UBLCP1: variants seen among roughly 807,000 people sequenced by gnomAD.
UBLCP1 encodes the protein ubiquitin like domain containing CTD phosphatase 1.
In UBLCP1, 28 loss-of-function variants were observed where a neutral mutation model predicts 42.4. The observed-to-expected ratio is 0.66, with a 90% CI of 0.49 to 0.90. UBLCP1 has a LOEUF of 0.90. Among genes scored for constraint, UBLCP1 ranks in the 40% least tolerant of loss-of-function variants. The pLI is 0.00. For synonymous variants in UBLCP1, 122 were observed against 120.8 expected, an observed-to-expected ratio of 1.01 and a Z score of -0.07; for missense variants, 279 against 374.5, an observed-to-expected ratio of 0.75 and a Z score of 2.10.
chr5:159,275,978 G>T (rs1403954955), intron 8 of UBLCP1, among the ~76,000 whole-genome samples: 1 of 152,150 alleles, frequency 6.6e-6, no homozygotes, highest in Non-Finnish European at 1.5e-5. Context: ...ATAGCAACAA[G>T]AACAATCAGA....
intron 8 of UBLCP1, 89 bp from the exon 9 acceptor site, chr5:159,278,149 G>A (rs1584740946): frequency 5.9e-6 from 5 of 854,110 alleles, no homozygotes; most frequent in Non-Finnish European, 9.7e-6. Context: ...CTTTGGCATT[G>A]TTCTGCAGGG....
intron 1 of UBLCP1, among the ~76,000 whole-genome samples, chr5:159,263,872 C>G (rs1258152840): frequency 6.6e-6 from 1 of 152,118 alleles, no homozygotes; most frequent in Non-Finnish European, 1.5e-5. Context: ...TACTGCTATA[C>G]TTTAAAATTT....
intron 10 of UBLCP1, among the ~76,000 whole-genome samples, chr5:159,284,444 T>C (rs1187240123): frequency 6.6e-6 from 1 of 152,226 alleles, no homozygotes; most frequent in Non-Finnish European, 1.5e-5. Context: ...CAAAGACCTT[T>C]AGCATCTTTT....
In UBLCP1 at chr5:159,268,888, G is replaced by T; in HGVS notation, c.-28G>T. 2 of 1,590,782 alleles carry T rather than the reference G, an allele frequency of 1.3e-6. No homozygotes were observed. Among genetic ancestry groups the T allele is most frequent in the Non-Finnish European group, 1.7e-6 (2 of 1,173,114 alleles). ...TTTCCAGGTATTTTTTTTTCTGAAG[G>T]AAAGCTGCTTCCTCATATGTTTCAA... is the stretch of plus-strand genomic sequence containing the variant. On this transcript the variant is annotated 5_prime_UTR_variant, in exon 2 of 11. Transcript: ENST00000296786.
chr5:159,276,794 C>G (rs1340692551), intron 8 of UBLCP1, among the ~76,000 whole-genome samples: 2 of 152,160 alleles, frequency 1.3e-5, no homozygotes, highest in African/African-American at 4.8e-5. Context: ...TAACAAAGAA[C>G]CTGTCAACTC....
rs143812378 is a variant in UBLCP1 at position 159,282,570 on chromosome 5, A to G, written c.802-642A>G. ...TATTATTCTGACATGTGTGGTTTGA[A>G]ATAATGCTTTTTAAACTCTTTTTCA... On this transcript the variant is annotated intron_variant, in intron 9 of 10. Transcript: ENST00000296786. Among the ~76,000 whole-genome samples the G allele has an allele frequency of 2.0e-3, 304 of 152,246 alleles. 1 individual carries two copies. The highest frequency in any genetic ancestry group is 7.2e-3 in the African/African-American group (300 of 41,574).
chr5:159,278,222 A>G lies in UBLCP1; in HGVS notation c.685-16A>G. 1.3e-6 allele frequency: 2 copies of G among 1,557,862 alleles called. No homozygotes were observed. The highest frequency in any genetic ancestry group is 2.2e-5 in the South Asian group (2 of 89,526). Reference sequence around the variant, plus strand: ...TATTGATAAAATTTGAGTTAAATGTAAACTTTTATTCTAAGGTAAAGCCTC... The same window carrying G: ...TATTGATAAAATTTGAGTTAAATGTGAACTTTTATTCTAAGGTAAAGCCTC... On this transcript the variant is annotated splice_polypyrimidine_tract_variant and intron_variant, in intron 8 of 10. Coordinates refer to ENST00000296786, the MANE Select transcript of UBLCP1 (RefSeq NM_145049.5).
intron 7 of UBLCP1, among the ~76,000 whole-genome samples, chr5:159,274,839 C>T (rs1753513726): frequency 6.6e-6 from 1 of 152,046 alleles, no homozygotes; most frequent in African/African-American, 2.4e-5. Flanking sequence ...TAAGCTTGTC[C>T]CCTCCCCCAC....
intron 2 of UBLCP1, among the ~76,000 whole-genome samples, chr5:159,269,359 C>A (rs1753436644): frequency 6.6e-6 from 1 of 152,176 alleles, no homozygotes; most frequent in African/African-American, 2.4e-5. Flanking sequence ...GGATGAAACT[C>A]ATTTATTTTC....
intron 9 of UBLCP1, among the ~76,000 whole-genome samples, chr5:159,278,596 G>T (rs947178576): frequency 6.6e-6 from 1 of 151,944 alleles, no homozygotes; most frequent in East Asian, 1.9e-4. Context: ...TTTTTGAGAC[G>T]GGATCTCACT....
In UBLCP1 at chr5:159,285,006, T is replaced by C. The variant is rs1753654583; in HGVS notation, c.*75T>C. 1.4e-6 allele frequency: 2 copies of C among 1,414,390 alleles called. No individual in the cohort carries two copies. Among genetic ancestry groups the C allele is most frequent in the Admixed American group, 1.7e-5 (1 of 59,150 alleles). The allele number at this position is 1,414,390 out of a possible 1,614,324, so 87.6% of individuals were successfully genotyped here. A position where few individuals can be genotyped will look rare whatever the true frequency, so the allele number is the denominator to read the frequency against. On this transcript the variant is annotated 3_prime_UTR_variant, in exon 11 of 11. Coordinates refer to ENST00000296786, the MANE Select transcript of UBLCP1 (RefSeq NM_145049.5). ...CTTGCTTTTATGCTAGAAATCATTA[T>C]GATAGTGCTGGACACTGAAGCAAAT...
chr5:159,285,770 C>G lies in UBLCP1; in HGVS notation c.*839C>G, dbSNP rs1209936446. 2.6e-5 allele frequency: 4 copies of G among 152,644 alleles called. No homozygotes were observed. Among genetic ancestry groups the G allele is most frequent in the Non-Finnish European group, 5.9e-5 (4 of 67,996 alleles). The allele number at this position is 152,644 out of a possible 1,614,324, so 9.5% of individuals were successfully genotyped here. On this transcript the variant is annotated 3_prime_UTR_variant, in exon 11 of 11. Transcript: ENST00000296786. ...CTGATTCATTCCTAAAAAGCATGAA[C>G]AAAAAGTTTTTGTTCTGTTCCAGCT... is the stretch of plus-strand genomic sequence containing the variant.
chr5:159,274,910 TAAAG>T (rs752064632), intron 7 of UBLCP1, among the ~76,000 whole-genome samples: 18 of 152,208 alleles, frequency 1.2e-4, no homozygotes, highest in Non-Finnish European at 2.4e-4. Context: ...GTGCAATACT[TAAAG>T]AGTCAGTATT....
chr5:159,283,346 T>G lies in UBLCP1; in HGVS notation c.929+7T>G, dbSNP rs747239540. The G allele has an allele frequency of 2.9e-5, 45 of 1,568,062 alleles. No homozygotes were observed. The highest frequency in any genetic ancestry group is 3.7e-5 in the Non-Finnish European group (43 of 1,160,494). On this transcript the variant is annotated splice_region_variant and intron_variant, in intron 10 of 10. Transcript: ENST00000296786. The stretch of plus-strand genomic sequence containing the variant: ...ATCACAAATATTGGGAAAGGTAAGT[T>G]TTAATTGCTTATTTATTTTCTCTTT...
chr5:159,264,726 TC>T (rs1299603793), intron 1 of UBLCP1, among the ~76,000 whole-genome samples: 16 of 152,148 alleles, frequency 1.1e-4, no homozygotes, highest in African/African-American at 3.9e-4. Context: ...GATTCCTAGG[TC>T]CCTTCTCTCC....
intron 1 of UBLCP1, among the ~76,000 whole-genome samples, chr5:159,263,637 C>T (rs575808570): frequency 6.6e-6 from 1 of 152,298 alleles, no homozygotes; most frequent in African/African-American, 2.4e-5. Flanking sequence ...GCTTGTCCAT[C>T]CCTCCCCTCA....
chr5:159,279,174 G>A (rs1329492143), intron 9 of UBLCP1, among the ~76,000 whole-genome samples: 1 of 152,180 alleles, frequency 6.6e-6, no homozygotes, highest in Non-Finnish European at 1.5e-5. Flanking sequence ...ACAGTCTGAG[G>A]TTGAAGAAGT....
intron 9 of UBLCP1, among the ~76,000 whole-genome samples, chr5:159,279,646 G>A (rs912218697): frequency 2.6e-5 from 4 of 152,198 alleles, no homozygotes; most frequent in Non-Finnish European, 5.9e-5. Context: ...ACTAATCTAG[G>A]TAGTGAATTG....
At chr5:159,267,742 A>G (rs185401837) in intron 1 of UBLCP1, among the ~76,000 whole-genome samples, 135 of 152,364 alleles carry the variant, frequency 8.9e-4, no homozygotes, top group Admixed American at 2.4e-3. Flanking sequence ...ATGACAATGA[A>G]TAAGTCTCAT....
Sources: allele counts gnomAD v4.1 joint callset (sites outside exome capture counted in the v4.1 genomes callset), GRCh38; gene constraint gnomAD v4.1.1; transcripts MANE v1.5; gene names NCBI Gene and HGNC (gene_info 2026-07-23, HGNC 2026-07-21).